Variants in FNTB observed in about 807,000 individuals in gnomAD.
FNTB encodes the protein farnesyltransferase, CAAX box, subunit beta.
A neutral mutation model predicts 59.4 loss-of-function variants in FNTB; 27 were observed. That is an observed-to-expected ratio of 0.45 (90% CI 0.34 to 0.63). The LOEUF (loss-of-function observed/expected upper bound fraction) is 0.63, where lower values mean the gene tolerates loss of function less well. Ranked by LOEUF, FNTB falls within the 20% of genes least tolerant of loss-of-function variation. The pLI is 0.02. For missense variants in FNTB, 449 were observed against 559.6 expected (o/e 0.80, Z 1.99); for synonymous variants, 230 against 220.7 (o/e 1.04, Z -0.37).
intron 2 of FNTB, among the ~76,000 whole-genome samples, chr14:65,008,689 C>T (rs2061634711): frequency 6.6e-6 from 1 of 152,160 alleles, no homozygotes; most frequent in African/African-American, 2.4e-5. Flanking sequence ...AGCCAGGAGA[C>T]TGAAAGGAGC....
chr14:65,051,797 A>AT (rs776155113), intron 9 of FNTB, among the ~76,000 whole-genome samples: 14,344 of 142,074 alleles, frequency 0.1, 904 homozygotes, highest in Admixed American at 0.16. Context: ...CACCATAGGA[A>AT]TTTTTTTTTT....
At chr14:64,989,206 C>T (rs897475457) in intron 1 of FNTB, among the ~76,000 whole-genome samples, 31 of 147,130 alleles carry the variant, frequency 2.1e-4, no homozygotes, top group African/African-American at 5.1e-5. Flanking sequence ...TTTGGGAGTT[C>T]GAGGCGGGAA....
rs1161722065 is a variant in FNTB, at chr14:65,011,918, A to G, written c.210-399A>G. 6.6e-6 allele frequency among the ~76,000 whole-genome samples: 1 copy of G among 152,150 alleles called. No individual in the cohort carries two copies. Among genetic ancestry groups the G allele is most frequent in the Admixed American group, 6.5e-5 (1 of 15,268 alleles). On this transcript the variant is annotated intron_variant, in intron 2 of 11. Transcript: ENST00000246166. The surrounding 1 kb of genome is among the most constrained non-coding windows in gnomAD (Gnocchi z 4.0). ...GAAATGACAGCGGCTGAGGCAGGGAAGTGGCGAGGCTCAGATTTAAATTGC... is the reference window on the plus strand; with the variant it reads ...GAAATGACAGCGGCTGAGGCAGGGAGGTGGCGAGGCTCAGATTTAAATTGC...
At position 65,044,663 on chromosome 14, in the gene FNTB, C is replaced by T. The variant is rs574024095; in HGVS notation, c.955+220C>T. 33 of 693,912 alleles carry T rather than the reference C, an allele frequency of 4.8e-5. No homozygotes were observed. In the Admixed American group the frequency reaches 7.7e-4, roughly 16 times the overall value. The allele number at this position is 693,912 out of a possible 1,614,324, so 43.0% of individuals were successfully genotyped here. A position where few individuals can be genotyped will look rare whatever the true frequency, so the allele number is the denominator to read the frequency against. ...ATTCTTTGCTTCTTCAAATTGGCTG[C>T]GACAGAATGAGCTTCCTTGAAATTG... On this transcript the variant is annotated intron_variant, in intron 9 of 11. Transcript: ENST00000246166. The surrounding 1 kb of genome is among the most constrained non-coding windows in gnomAD (Gnocchi z 5.5).
rs372602252 is a variant in FNTB at position 64,999,941 on chromosome 14, T to G, written c.145-4308T>G. Among the ~76,000 whole-genome samples the G allele has an allele frequency of 7.9e-5, 12 of 152,306 alleles. No individual in the cohort carries two copies. The South Asian group carries it at 2.5e-3, about 32-fold the overall frequency. On this transcript the variant is annotated intron_variant, in intron 1 of 11. Coordinates refer to ENST00000246166, the MANE Select transcript of FNTB (RefSeq NM_002028.4). ...TTTTCCACCTTGTGGTATGACATAT[T>G]TCCATGTTTTTGTCAGGTGTCTTAG...
chr14:64,997,643 C>T lies in FNTB; in HGVS notation c.145-6606C>T, dbSNP rs571160248. Among the ~76,000 whole-genome samples, 2 of 152,302 alleles carry T rather than the reference C, an allele frequency of 1.3e-5. No homozygotes were observed. Among genetic ancestry groups the T allele is most frequent in the South Asian group, 2.1e-4 (1 of 4,826 alleles). On this transcript the variant is annotated intron_variant, in intron 1 of 11. Transcript: ENST00000246166. This position sits in a 1 kb window ranked among gnomAD's most constrained non-coding sequence, Gnocchi z 4.5. ...AATCTCAAAGAGGTGGCATAGACTTCAGGTTTAACTACAGTGTTCAACTGA... is the reference window on the plus strand; with the variant it reads ...AATCTCAAAGAGGTGGCATAGACTTTAGGTTTAACTACAGTGTTCAACTGA...
chr14:65,000,866 GAAAGAAAAGCA>G (rs972255007), intron 1 of FNTB, among the ~76,000 whole-genome samples: 9 of 141,726 alleles, frequency 6.4e-5, no homozygotes, highest in Non-Finnish European at 1.2e-4. Flanking sequence ...AAAGCTGGCT[GAAAGAAAAGCA>G]AAAGAAAAGA....
intron 4 of FNTB, among the ~76,000 whole-genome samples, chr14:65,018,596 G>A (rs536246795): frequency 4.6e-5 from 7 of 152,192 alleles, no homozygotes; most frequent in Admixed American, 1.3e-4. Context: ...GATCACCTGA[G>A]ATCAAGAGTT....
chr14:65,018,547 C>T (rs749339732), intron 4 of FNTB, among the ~76,000 whole-genome samples: 2 of 152,186 alleles, frequency 1.3e-5, no homozygotes, highest in South Asian at 2.1e-4. Flanking sequence ...CGGTGTCTCA[C>T]ACCTGTAATC....
At chr14:65,005,021 G>A (rs1022700401) in intron 2 of FNTB, among the ~76,000 whole-genome samples, 3 of 152,150 alleles carry the variant, frequency 2.0e-5, no homozygotes, top group African/African-American at 7.2e-5. Context: ...AGATGGCAAG[G>A]GATGGATTAT....
chr14:65,030,868 T>C lies in FNTB; in HGVS notation c.606-1742T>C, dbSNP rs1435877713. Among the ~76,000 whole-genome samples, 2 of 151,998 alleles carry C rather than the reference T, an allele frequency of 1.3e-5. 1 individual carries two copies. The highest frequency in any genetic ancestry group is 2.9e-5 in the Non-Finnish European group (2 of 68,002). Reference sequence around the variant, plus strand: ...TGTTGCCCAGGCAGGAGCGCAGTGGTGGGATCTTGGCTCACTGCAACCTCT... The same window carrying C: ...TGTTGCCCAGGCAGGAGCGCAGTGGCGGGATCTTGGCTCACTGCAACCTCT... On this transcript the variant is annotated intron_variant, in intron 6 of 11. Coordinates refer to ENST00000246166, the MANE Select transcript of FNTB (RefSeq NM_002028.4). The surrounding 1 kb of genome is among the most constrained non-coding windows in gnomAD (Gnocchi z 4.5).
chr14:65,003,339 T>C (rs1267580158), intron 1 of FNTB: 2 of 152,196 alleles, frequency 1.3e-5, no homozygotes. Context: ...CAGAAACTAA[T>C]TATGTATTTG....
intron 4 of FNTB, among the ~76,000 whole-genome samples, chr14:65,021,691 G>C (rs991916605): frequency 6.6e-6 from 1 of 152,146 alleles, no homozygotes; most frequent in African/African-American, 2.4e-5. Flanking sequence ...TGTCCCCCAG[G>C]CTGGAGGGCA....
intron 11 of FNTB, among the ~76,000 whole-genome samples, chr14:65,059,838 T>C (rs1446732959): frequency 5.7e-5 from 4 of 70,400 alleles, no homozygotes; most frequent in Admixed American, 4.8e-4. Context: ...TCCTTTTTTC[T>C]TTTTTTTTTT....
At position 65,044,614 on chromosome 14, in the gene FNTB, A is replaced by G; in HGVS notation, c.955+171A>G. ...GTGGGGCATGCGAATGCAGAGTAAG[A>G]TTTAGTTTCATTGGTTTAGTGTCAT... On this transcript the variant is annotated intron_variant, in intron 9 of 11. Transcript: ENST00000246166. The surrounding 1 kb of genome is among the most constrained non-coding windows in gnomAD (Gnocchi z 5.5). The G allele has an allele frequency of 1.0e-6, 1 of 954,694 alleles. No homozygotes were observed. 59.1% of individuals were successfully genotyped at this position (954,694 alleles called of 1,614,324 possible).
intron 1 of FNTB, among the ~76,000 whole-genome samples, chr14:65,000,477 A>C (rs1377954443): frequency 6.6e-6 from 1 of 152,172 alleles, no homozygotes; most frequent in East Asian, 1.9e-4. Context: ...GTTGCCCTGA[A>C]TATACACTCT....
rs59420832 is a variant in FNTB at position 65,000,815 on chromosome 14, C to CAAAAAAAAAAA, written c.145-3418_145-3408dup. Among the ~76,000 whole-genome samples, 47 of 36,472 alleles carry CAAAAAAAAAAA rather than the reference C, an allele frequency of 1.3e-3. 1 individual carries two copies. Among genetic ancestry groups the CAAAAAAAAAAA allele is most frequent in the African/African-American group, 2.9e-3 (35 of 11,942 alleles). 23.9% of individuals were successfully genotyped at this position (36,472 alleles called of 152,430 possible). A position where few individuals can be genotyped will look rare whatever the true frequency, so the allele number is the denominator to read the frequency against. The stretch of plus-strand genomic sequence containing the variant: ...AGCCTGGCAGAGCCAGACTCCGTCT[C>CAAAAAAAAAAA]AAAAAAAAAAAAAAAAAAAAAAAAA... On this transcript the variant is annotated intron_variant, in intron 1 of 11. Transcript: ENST00000246166.
rs536103414 is a variant in FNTB, at chr14:65,029,799, T to C, written c.605+2018T>C. 3.9e-5 allele frequency among the ~76,000 whole-genome samples: 6 copies of C among 152,206 alleles called. No individual in the cohort carries two copies. In the East Asian group the frequency reaches 1.2e-3, roughly 29 times the overall value. On this transcript the variant is annotated intron_variant, in intron 6 of 11. Coordinates refer to ENST00000246166, the MANE Select transcript of FNTB (RefSeq NM_002028.4). This position sits in a 1 kb window ranked among gnomAD's most constrained non-coding sequence, Gnocchi z 4.7. Reference sequence around the variant, plus strand: ...GAAATCTCCTATGGAGTCTGGAGTTTAGTGATGTGATCTGATTTGTATTTT... The same window carrying C: ...GAAATCTCCTATGGAGTCTGGAGTTCAGTGATGTGATCTGATTTGTATTTT...
chr14:65,002,969 G>T lies in FNTB; in HGVS notation c.145-1280G>T, dbSNP rs142723395. Among the ~76,000 whole-genome samples the T allele has an allele frequency of 4.2e-3, 647 of 152,302 alleles. 8 individuals are homozygous for T. Among genetic ancestry groups the T allele is most frequent in the Middle Eastern group, 0.01 (3 of 294 alleles). ...TTCTAATGTCAGAGATCCTGGCTCT[G>T]TAGGAATGATGGGATACAAATGGTC... On this transcript the variant is annotated intron_variant, in intron 1 of 11. Transcript: ENST00000246166.
Sources: gnomAD v4.1 joint callset for allele counts (sites outside exome capture counted in the v4.1 genomes callset) on GRCh38, gnomAD v4.1.1 for gene constraint, Gnocchi (gnomAD v3.1) non-coding constraint, MANE v1.5 for transcripts, NCBI Gene and HGNC (gene_info 2026-07-23, HGNC 2026-07-21) for gene names.